TDRD12: variants seen among roughly 807,000 people sequenced by gnomAD.
The protein encoded by TDRD12 is tudor domain containing 12.
Under a neutral mutation model 133.5 loss-of-function variants are expected in TDRD12, and 158 were observed. That is an observed-to-expected ratio of 1.18 (90% CI 1.04 to 1.35). The LOEUF (loss-of-function observed/expected upper bound fraction) is 1.35, where lower values mean the gene tolerates loss of function less well. Among genes scored for constraint, TDRD12 ranks in the 40% most tolerant of loss-of-function variants. TDRD12 has a pLI of 0.00. For synonymous variants in TDRD12, 460 were observed against 477.9 expected (o/e 0.96, Z 0.49); for missense variants, 1,443 against 1,321.3 (o/e 1.09, Z -1.43).
At chr19:32,741,600 C>G (rs929910247) in intron 3 of TDRD12, among the ~76,000 whole-genome samples, 1 of 152,116 alleles carries the variant, frequency 6.6e-6, no homozygotes, top group Non-Finnish European at 1.5e-5. Context: ...GTGAGAAAAT[C>G]GTATGATTAA....
At chr19:32,742,102 C>T (rs111604137) in intron 3 of TDRD12, among the ~76,000 whole-genome samples, 1 of 150,678 alleles carries the variant, frequency 6.6e-6, no homozygotes, top group Admixed American at 6.6e-5. Flanking sequence ...ATAGAATTTG[C>T]TTTACAGGTA....
intron 3 of TDRD12, among the ~76,000 whole-genome samples, chr19:32,740,925 C>T (rs1012613090): frequency 6.6e-6 from 1 of 152,200 alleles, no homozygotes; most frequent in African/African-American, 2.4e-5. Flanking sequence ...CGTTAGAATA[C>T]ACCAGCAACA....
intron 3 of TDRD12, among the ~76,000 whole-genome samples, chr19:32,740,098 C>T (rs113411415): frequency 1.9e-4 from 15 of 78,718 alleles, no homozygotes; most frequent in African/African-American, 2.1e-4. Flanking sequence ...ATCTCCTGGG[C>T]ACTCTCTGCA....
At chr19:32,763,344 A>C (rs1568464792) in intron 8 of TDRD12, among the ~76,000 whole-genome samples, 1 of 152,154 alleles carries the variant, frequency 6.6e-6, no homozygotes, top group Non-Finnish European at 1.5e-5. Context: ...TCTTCTAGGG[A>C]GCCTGTACCT....
At chr19:32,783,339 C>T (rs965655380) in intron 11 of TDRD12, among the ~76,000 whole-genome samples, 6 of 152,058 alleles carry the variant, frequency 3.9e-5, no homozygotes, top group Non-Finnish European at 8.8e-5. Context: ...GTTTTGGTAC[C>T]AGTGCCATGC....
At chr19:32,784,114 A>C (rs186965441) in intron 11 of TDRD12, among the ~76,000 whole-genome samples, 2 of 152,258 alleles carry the variant, frequency 1.3e-5, no homozygotes, top group Admixed American at 1.3e-4. Flanking sequence ...ATTCAGCATG[A>C]TATTGGCTGT....
At chr19:32,749,862 A>T in exon 6 of TDRD12, 2 of 1,529,838 alleles carry the variant, frequency 1.3e-6, no homozygotes, top group Non-Finnish European at 1.8e-6. Flanking sequence ...ACTATAAAAG[A>T]TGAAAAAGTA....
At position 32,731,711 on chromosome 19, in the gene TDRD12, TA is replaced by T. The variant is rs1969061091; in HGVS notation, c.25-8del. 6 of 1,527,066 alleles carry T rather than the reference TA, an allele frequency of 3.9e-6. No homozygotes were observed. Among genetic ancestry groups the T allele is most frequent in the Non-Finnish European group, 5.3e-6 (6 of 1,138,748 alleles). The allele number at this position is 1,527,066 out of a possible 1,614,324, so 94.6% of individuals were successfully genotyped here. A position where few individuals can be genotyped will look rare whatever the true frequency, so the allele number is the denominator to read the frequency against. On this transcript the variant is annotated splice_polypyrimidine_tract_variant and intron_variant, in intron 1 of 27. Coordinates refer to ENST00000444215, the Ensembl canonical transcript of TDRD12. ...ATCATACGCTGTTCTGTTTGTCTTT[TA>T]AAAAATTTACAGATTGAAGATCCAG...
At chr19:32,724,428 T>C (rs1968793603) in intron 1 of TDRD12, among the ~76,000 whole-genome samples, 1 of 152,168 alleles carries the variant, frequency 6.6e-6, no homozygotes, top group Admixed American at 6.6e-5. Flanking sequence ...CCTGTGTCCA[T>C]GTGTTCTCAT....
exon 1 of TDRD12, chr19:32,720,067 A>C: frequency 3.2e-6 from 5 of 1,548,432 alleles, no homozygotes; most frequent in Non-Finnish European, 4.4e-6. Context: ...CTCGGGCGCC[A>C]GGAGGATGCT....
At chr19:32,821,369 A>AATGTGTGTGT, downstream of TDRD12, 1 of 350,576 alleles carries the variant, frequency 2.9e-6, no homozygotes. Context: ...AGCTCAGCAG[A>AATGTGTGTGT]GTGTGTGTGT....
exon 7 of TDRD12, chr19:32,756,118 C>T: frequency 2.7e-6 from 4 of 1,478,270 alleles, no homozygotes; most frequent in Non-Finnish European, 2.7e-6. Flanking sequence ...CTTCAATAAA[C>T]TCAATCCAGC....
At chr19:32,798,205 T>C (rs2145687272) in intron 15 of TDRD12, 103 bp from the exon 16 acceptor site, 1 of 1,177,548 alleles carries the variant, frequency 8.5e-7, no homozygotes, top group Non-Finnish European at 1.2e-6. Context: ...AGTGTTTTAC[T>C]TCATTAGAAG....
At position 32,757,118 on chromosome 19, in the gene TDRD12, GC is replaced by G; in HGVS notation, c.855del (p.Thr286GlnfsTer7). ...TATTGTCGGTGACCTCAGGCCAACA[GC>G]CACAGCACAGGGTGAGTTCTGCTAA... On this transcript the variant is annotated frameshift_variant, in exon 8 of 28. Coordinates refer to ENST00000444215, the Ensembl canonical transcript of TDRD12. LOFTEE classifies it high-confidence loss of function. 6.4e-7 allele frequency: 1 copy of G among 1,551,680 alleles called. No homozygotes were observed. Among genetic ancestry groups the G allele is most frequent in the Non-Finnish European group, 8.7e-7 (1 of 1,146,852 alleles).
chr19:32,748,511 A>G (rs570756261), exon 5 of TDRD12: 2 of 1,551,764 alleles, frequency 1.3e-6, no homozygotes, highest in Non-Finnish European at 1.7e-6. Context: ...GCTATTCAGT[A>G]CTTTCAGAAC....
intron 27 of TDRD12, among the ~76,000 whole-genome samples, chr19:32,820,549 T>A (rs1000130414): frequency 6.6e-6 from 1 of 152,226 alleles, no homozygotes; most frequent in South Asian, 2.1e-4. Flanking sequence ...TTGAATTTAG[T>A]ACGTTCCCAT....
At position 32,827,372 on chromosome 19, in the gene TDRD12, C is replaced by CTTTTCTTT. The variant is rs61327156; in HGVS notation, c.*210_*211insCTTTTTTT. ...TAACCAAATCTTTTTCTTTTCTTTTCTTTTTTTTTTTTTTTTTTTTTTTTT... is the reference window on the plus strand; with the variant it reads ...TAACCAAATCTTTTTCTTTTCTTTTCTTTTCTTTTTTTTTTTTTTTTTTTTTTTTTTTT... On this transcript the variant is annotated 3_prime_UTR_variant, in exon 10 of 10. Coordinates refer to the TDRD12 transcript ENST00000637289. 124 of 122,400 alleles carry CTTTTCTTT rather than the reference C, an allele frequency of 1.0e-3. 1 individual carries two copies. The highest frequency in any genetic ancestry group is 7.5e-3 in the African/African-American group (108 of 14,436). 7.6% of individuals were successfully genotyped at this position (122,400 alleles called of 1,614,324 possible). A position where few individuals can be genotyped will look rare whatever the true frequency, so the allele number is the denominator to read the frequency against.
intron 8 of TDRD12, among the ~76,000 whole-genome samples, chr19:32,763,417 G>A (rs1457259778): frequency 6.6e-6 from 1 of 152,092 alleles, no homozygotes; most frequent in Non-Finnish European, 1.5e-5. Flanking sequence ...TGTGGGACAG[G>A]ATGGCTGGAA....
At chr19:32,752,119 C>T (rs1969847618) in intron 6 of TDRD12, among the ~76,000 whole-genome samples, 1 of 152,030 alleles carries the variant, frequency 6.6e-6, no homozygotes, top group Non-Finnish European at 1.5e-5. Flanking sequence ...AGTGATCTGC[C>T]TGTCTCAGCC....
Sources: gnomAD v4.1 joint callset for allele counts (sites outside exome capture counted in the v4.1 genomes callset) on GRCh38, gnomAD v4.1.1 for gene constraint, MANE v1.5 for transcripts, NCBI Gene and HGNC (gene_info 2026-07-23, HGNC 2026-07-21) for gene names.